The following ADAM19 variants were observed in gnomAD, a reference collection of about 807,000 sequenced individuals.
ADAM19 encodes ADAM metallopeptidase domain 19, also known as disintegrin and metalloproteinase domain-containing protein 19.
A neutral mutation model predicts 114.7 loss-of-function variants in ADAM19; 65 were observed. The observed-to-expected ratio is 0.57, with a 90% CI of 0.46 to 0.70. The LOEUF (loss-of-function observed/expected upper bound fraction) is 0.70. ADAM19 is among the 30% of genes least tolerant of loss of function. ADAM19 has a pLI of 0.00. For missense variants in ADAM19, 1,063 were observed against 1,204.7 expected, an observed-to-expected ratio of 0.88 and a Z score of 1.74; for synonymous variants, 466 against 460.5, an observed-to-expected ratio of 1.01 and a Z score of -0.15.
At chr5:157,547,028 G>A (rs1757068901) in intron 3 of ADAM19, among the ~76,000 whole-genome samples, 1 of 152,202 alleles carries the variant, frequency 6.6e-6, no homozygotes, top group Non-Finnish European at 1.5e-5. Context: ...AGATAAGGAG[G>A]AGAAAACAGA....
intron 4 of ADAM19, among the ~76,000 whole-genome samples, chr5:157,532,664 C>T (rs1401847142): frequency 6.6e-6 from 1 of 152,180 alleles, no homozygotes; most frequent in Non-Finnish European, 1.5e-5. Context: ...TGGAAGCTTT[C>T]TCTTTTCCCC....
At chr5:157,530,685 G>T in intron 5 of ADAM19, 122 bp downstream of exon 5, 1 of 756,380 alleles carries the variant, frequency 1.3e-6, no homozygotes, top group Non-Finnish European at 2.2e-6. Context: ...CCCTCTCTGG[G>T]CTGGCTTGCA....
chr5:157,558,945 C>T (rs563497337), intron 3 of ADAM19, among the ~76,000 whole-genome samples: 5 of 152,240 alleles, frequency 3.3e-5, no homozygotes, highest in Non-Finnish European at 5.9e-5. Context: ...TCCATTAGCA[C>T]TGAATGTTAA....
At chr5:157,544,743 T>C (rs1458397118) in intron 3 of ADAM19, among the ~76,000 whole-genome samples, 4 of 152,236 alleles carry the variant, frequency 2.6e-5, no homozygotes, top group Admixed American at 6.5e-5. Flanking sequence ...AATGAGGTGC[T>C]ACCTTTAGAA....
Position 157,509,378 on chromosome 5 carries a change from A to G in ADAM19, c.828T>C (p.Tyr276=). 6.2e-7 allele frequency: 1 copy of G among 1,613,888 alleles called. No individual in the cohort carries two copies. Among genetic ancestry groups the G allele is most frequent in the Non-Finnish European group, 8.5e-7 (1 of 1,179,880 alleles). ...AACTGAGAAAGGACCAGAGGGTAGAATATGGATTCTCTGAAACTTCACACA... is the reference window on the plus strand; with the variant it reads ...AACTGAGAAAGGACCAGAGGGTAGAGTATGGATTCTCTGAAACTTCACACA... ...GNMCEVSENP[Y]STLWSFLSWR... The change falls in exon 9 of 23, where the codon TAT becomes TAC. Residue 276 remains tyrosine, a synonymous_variant. Transcript: ENST00000257527.
At chr5:157,566,464 G>T (rs1380382116) in intron 2 of ADAM19, 1 of 152,092 alleles carries the variant, frequency 6.6e-6, no homozygotes, top group Non-Finnish European at 1.5e-5. Context: ...TTTAAGAAAA[G>T]AACTTTTTAT....
intron 3 of ADAM19, among the ~76,000 whole-genome samples, chr5:157,560,222 G>A (rs1757474310): frequency 1.7e-5 from 2 of 120,618 alleles, no homozygotes; most frequent in African/African-American, 3.3e-5. Context: ...CCGAGATCCC[G>A]CCACTGCACT....
intron 3 of ADAM19, among the ~76,000 whole-genome samples, chr5:157,545,819 T>C (rs1312902639): frequency 1.3e-5 from 2 of 152,212 alleles, no homozygotes; most frequent in Non-Finnish European, 2.9e-5. Flanking sequence ...AGGCTCTTCA[T>C]GCAATCTCAT....
chr5:157,496,235 T>G (rs920678422), intron 14 of ADAM19, among the ~76,000 whole-genome samples: 1 of 151,628 alleles, frequency 6.6e-6, no homozygotes, highest in African/African-American at 2.4e-5. Flanking sequence ...AATATAGGGC[T>G]GCCTCCTTAT....
At chr5:157,547,574 G>C (rs954043252) in intron 3 of ADAM19, among the ~76,000 whole-genome samples, 1 of 152,178 alleles carries the variant, frequency 6.6e-6, no homozygotes, top group African/African-American at 2.4e-5. Context: ...TGTTGGACTT[G>C]CCAGCCAGCA....
chr5:157,481,968 C>T (rs1294189547), intron 21 of ADAM19, 25 bp from the exon 22 acceptor site: 1 of 1,549,564 alleles, frequency 6.5e-7, no homozygotes, highest in South Asian at 1.2e-5. Flanking sequence ...ATAAGCCTCA[C>T]TTGAAGGCCA....
rs1037307324 is a variant in ADAM19, at chr5:157,483,994, T to C, written c.2551-2051A>G. On this transcript the variant is annotated intron_variant, in intron 21 of 22. Transcript: ENST00000257527. Reference sequence around the variant, plus strand: ...ATGTACGTGTATTGCCTGTTAAGATTAAAACAAAATTTAAACAAAGCAGCA... The same window carrying C: ...ATGTACGTGTATTGCCTGTTAAGATCAAAACAAAATTTAAACAAAGCAGCA... Among the ~76,000 whole-genome samples the C allele has an allele frequency of 6.6e-5, 10 of 152,022 alleles. No individual in the cohort carries two copies. The East Asian group carries it at 7.7e-4, about 12-fold the overall frequency.
chr5:157,492,614 T>A (rs1050843242), intron 16 of ADAM19, among the ~76,000 whole-genome samples: 1 of 152,196 alleles, frequency 6.6e-6, no homozygotes, highest in African/African-American at 2.4e-5. Flanking sequence ...GCTAAATGCT[T>A]CATGTTTTCC....
intron 16 of ADAM19, among the ~76,000 whole-genome samples, chr5:157,492,484 G>A (rs1755210378): frequency 6.6e-6 from 1 of 152,112 alleles, no homozygotes; most frequent in Admixed American, 6.5e-5. Flanking sequence ...TATTATTTAT[G>A]TGTTATCACA....
At chr5:157,520,055 T>G in intron 5 of ADAM19, 24 bp from the exon 6 acceptor site, 4 of 1,589,142 alleles carry the variant, frequency 2.5e-6, no homozygotes, top group Non-Finnish European at 3.4e-6. Flanking sequence ...AAATAGAATC[T>G]CTGGTCAAAG....
intron 5 of ADAM19, among the ~76,000 whole-genome samples, chr5:157,527,096 G>A (rs933578530): frequency 6.6e-6 from 1 of 152,184 alleles, no homozygotes. Flanking sequence ...TCACAGTTCT[G>A]CATGGCTGGG....
chr5:157,566,095 C>CACTCAAAGCCAG (rs1561559997), intron 2 of ADAM19: 2 of 132,686 alleles, frequency 1.5e-5, no homozygotes, highest in Admixed American at 7.9e-5. Context: ...AGCGACAGAG[C>CACTCAAAGCCAG]GAGACTCTGT....
chr5:157,498,457 G>C (rs1229339743), intron 13 of ADAM19, among the ~76,000 whole-genome samples: 1 of 152,158 alleles, frequency 6.6e-6, no homozygotes, highest in Non-Finnish European at 1.5e-5. Context: ...CACAACTCAG[G>C]ATAATAACCC....
chr5:157,477,473 A>T lies in ADAM19; in HGVS notation c.*3476T>A. ...CGTGAACAATCTCCCAAATAAAAAG[A>T]AAATTCACATTGCCCTGGATCCCAG... On this transcript the variant is annotated 3_prime_UTR_variant, in exon 23 of 23. Transcript: ENST00000257527. 4.8e-6 allele frequency: 5 copies of T among 1,039,144 alleles called. No homozygotes were observed. The highest frequency in any genetic ancestry group is 5.8e-6 in the Non-Finnish European group (5 of 858,662). 64.4% of individuals were successfully genotyped at this position (1,039,144 alleles called of 1,614,324 possible). A position where few individuals can be genotyped will look rare whatever the true frequency, so the allele number is the denominator to read the frequency against.
Sources: allele counts gnomAD v4.1 joint callset (sites outside exome capture counted in the v4.1 genomes callset), GRCh38; gene constraint gnomAD v4.1.1; transcripts MANE v1.5; gene names NCBI Gene and HGNC (gene_info 2026-07-23, HGNC 2026-07-21).